SYN3: variants seen among roughly 807,000 people sequenced by gnomAD.
SYN3 encodes synapsin III.
SYN3 carries 35 observed loss-of-function variants against 65.8 expected under a neutral mutation model. The observed-to-expected ratio is 0.53, with a 90% CI of 0.41 to 0.70. SYN3 has a LOEUF of 0.70. Among genes scored for constraint, SYN3 ranks in the 30% least tolerant of loss-of-function variants. The probability of loss-of-function intolerance (pLI) is 0.00; values close to 1 mark genes in which losing one functional copy is unlikely to be tolerated. For synonymous variants in SYN3, 270 were observed against 292.9 expected (o/e 0.92, Z 0.80); for missense variants, 680 against 749.0 (o/e 0.91, Z 1.08).
intron 6 of SYN3, chr22:32,849,486 A>G (rs1181595715): frequency 6.2e-7 from 1 of 1,613,826 alleles, no homozygotes; most frequent in Admixed American, 1.7e-5. Flanking sequence ...AGAAGCTGGT[A>G]AAGGAGGGGC....
At position 32,532,863 on chromosome 22, in the gene SYN3, A is replaced by C. The variant is rs184371240; in HGVS notation, c.1095+930T>G. 3.5e-3 allele frequency among the ~76,000 whole-genome samples: 530 copies of C among 152,050 alleles called. 6 individuals are homozygous for C. Among genetic ancestry groups the C allele is most frequent in the Middle Eastern group, 0.01 (3 of 294 alleles). Reference sequence around the variant, plus strand: ...TTGTGTCAGCACCGCCCATGGAAGGAGGGGGCTGGACGCGGCACTGGAGCT... The same window carrying C: ...TTGTGTCAGCACCGCCCATGGAAGGCGGGGGCTGGACGCGGCACTGGAGCT... On this transcript the variant is annotated intron_variant, in intron 10 of 13. Transcript: ENST00000358763.
At chr22:32,979,127 A>G (rs113667981) in intron 3 of SYN3, among the ~76,000 whole-genome samples, 4,769 of 151,390 alleles carry the variant, frequency 0.032, 254 homozygotes, top group African/African-American at 0.11. Flanking sequence ...AACTCGGGAG[A>G]CAGAGGTTGC....
intron 6 of SYN3, among the ~76,000 whole-genome samples, chr22:32,773,815 A>G (rs187251448): frequency 2.0e-5 from 3 of 152,126 alleles, no homozygotes; most frequent in Admixed American, 2.0e-4. Flanking sequence ...AGAGGGTACT[A>G]TGGGGGAGGA....
At chr22:32,800,040 G>T (rs1404437858) in intron 6 of SYN3, among the ~76,000 whole-genome samples, 1 of 152,180 alleles carries the variant, frequency 6.6e-6, no homozygotes, top group Non-Finnish European at 1.5e-5. Flanking sequence ...GTGGAAACTG[G>T]TTTCCCTTTC....
At chr22:32,765,700 G>A (rs1474717304) in intron 6 of SYN3, among the ~76,000 whole-genome samples, 1 of 152,150 alleles carries the variant, frequency 6.6e-6, no homozygotes, top group East Asian at 1.9e-4. Flanking sequence ...AAAGGCTAGA[G>A]ATAGAGAAGG....
intron 1 of SYN3, among the ~76,000 whole-genome samples, chr22:33,043,102 G>C (rs1027202218): frequency 4.6e-5 from 7 of 152,198 alleles, no homozygotes; most frequent in Admixed American, 1.3e-4. Context: ...TATTGAAATA[G>C]TCCTTACTGG....
At chr22:32,894,212 G>A (rs987386583) in intron 4 of SYN3, among the ~76,000 whole-genome samples, 1 of 152,142 alleles carries the variant, frequency 6.6e-6, no homozygotes, top group African/African-American at 2.4e-5. Context: ...GTGGAGTAAA[G>A]GCTTCAGTCA....
chr22:32,794,630 A>G (rs926781261), intron 6 of SYN3, among the ~76,000 whole-genome samples: 9 of 152,214 alleles, frequency 5.9e-5, no homozygotes, highest in African/African-American at 2.2e-4. Context: ...TTTGCTCGAT[A>G]TCTAGAAGAG....
At chr22:32,886,705 G>A (rs4451) in intron 4 of SYN3, among the ~76,000 whole-genome samples, 1 of 152,006 alleles carries the variant, frequency 6.6e-6, no homozygotes, top group South Asian at 2.1e-4. Context: ...TATTCCCTTG[G>A]CCCTGGGCAA....
intron 6 of SYN3, among the ~76,000 whole-genome samples, chr22:32,698,260 T>A (rs2060764997): frequency 6.6e-6 from 1 of 152,096 alleles, no homozygotes; most frequent in African/African-American, 2.4e-5. Context: ...CAAGGTGGGG[T>A]CTGAAGGGGT....
chr22:32,980,854 CTT>C lies in SYN3; in HGVS notation c.312-154_312-153del, dbSNP rs36093480. On this transcript the variant is annotated intron_variant, in intron 2 of 13. Transcript: ENST00000358763. ...CACCTTCACTACTGATTTTCTCAGT[CTT>C]TTTTTTTTTTCTTTTGAGACGGAGT... is the stretch of plus-strand genomic sequence containing the variant. 4,051 of 517,012 alleles carry C rather than the reference CTT, an allele frequency of 7.8e-3. 1 individual carries two copies. Among genetic ancestry groups the C allele is most frequent in the East Asian group, 0.035 (834 of 24,108 alleles). 32.0% of individuals were successfully genotyped at this position (517,012 alleles called of 1,614,324 possible).
intron 6 of SYN3, among the ~76,000 whole-genome samples, chr22:32,777,944 T>G (rs2045948058): frequency 6.6e-6 from 1 of 152,154 alleles, no homozygotes; most frequent in Non-Finnish European, 1.5e-5. Context: ...GGATGCCACC[T>G]AAAACCATCC....
chr22:32,806,620 C>T (rs1265475054), intron 6 of SYN3, among the ~76,000 whole-genome samples: 1 of 152,146 alleles, frequency 6.6e-6, no homozygotes, highest in African/African-American at 2.4e-5. Flanking sequence ...ATATGGGCTA[C>T]CTTTGAGCTT....
intron 6 of SYN3, among the ~76,000 whole-genome samples, chr22:32,665,701 A>G (rs1205428827): frequency 1.3e-5 from 2 of 152,028 alleles, no homozygotes; most frequent in Non-Finnish European, 2.9e-5. Flanking sequence ...CTTAGTCGCC[A>G]TCACAGATTC....
chr22:32,983,551 G>A (rs1253429662), intron 2 of SYN3, among the ~76,000 whole-genome samples: 1 of 152,156 alleles, frequency 6.6e-6, no homozygotes, highest in East Asian at 1.9e-4. Flanking sequence ...GATGGGCTTA[G>A]ATGTCAACTA....
In SYN3 at chr22:32,913,902, C is replaced by T. The variant is rs118082564; in HGVS notation, c.461+17488G>A. Reference sequence around the variant, plus strand: ...TCTTTAACGGGAGAGGCAAAACAAGCGTATGTTCCAAGCATAAAGTTGTGT... The same window carrying T: ...TCTTTAACGGGAGAGGCAAAACAAGTGTATGTTCCAAGCATAAAGTTGTGT... On this transcript the variant is annotated intron_variant, in intron 4 of 13. Transcript: ENST00000358763. Among the ~76,000 whole-genome samples the T allele has an allele frequency of 3.0e-3, 457 of 152,232 alleles. 8 individuals are homozygous for T. Among genetic ancestry groups the T allele is most frequent in the Admixed American group, 0.025 (384 of 15,280 alleles).
At chr22:33,047,716 A>G (rs2054092060) in intron 1 of SYN3, among the ~76,000 whole-genome samples, 1 of 152,036 alleles carries the variant, frequency 6.6e-6, no homozygotes, top group South Asian at 2.1e-4. Flanking sequence ...AAAAATAATA[A>G]AAACACCTCT....
At chr22:32,558,377 C>T (rs1031432502) in intron 7 of SYN3, among the ~76,000 whole-genome samples, 1 of 152,198 alleles carries the variant, frequency 6.6e-6, no homozygotes, top group African/African-American at 2.4e-5. Flanking sequence ...AGATGTTGTT[C>T]CTCCCATTTC....
chr22:33,046,223 T>C (rs186046162), intron 1 of SYN3, among the ~76,000 whole-genome samples: 1 of 152,208 alleles, frequency 6.6e-6, no homozygotes, highest in Non-Finnish European at 1.5e-5. Flanking sequence ...ACTGGAACTT[T>C]CATACGTTGT....
Sources: gnomAD v4.1 joint callset for allele counts (sites outside exome capture counted in the v4.1 genomes callset) on GRCh38, gnomAD v4.1.1 for gene constraint, MANE v1.5 for transcripts, NCBI Gene and HGNC (gene_info 2026-07-23, HGNC 2026-07-21) for gene names.